PSMD1: variants seen among roughly 807,000 people sequenced by gnomAD.
PSMD1 encodes the protein 26S proteasome non-ATPase regulatory subunit 1.
A neutral mutation model predicts 119.0 loss-of-function variants in PSMD1; 18 were observed. The observed-to-expected ratio is 0.15, with a 90% CI of 0.10 to 0.22. The LOEUF (loss-of-function observed/expected upper bound fraction) is 0.22, where lower values mean the gene tolerates loss of function less well. PSMD1 is among the 10% of genes least tolerant of loss of function. The pLI, the probability that PSMD1 is intolerant of heterozygous loss-of-function variation, is 1.00. For synonymous variants in PSMD1, 374 were observed against 396.6 expected, an observed-to-expected ratio of 0.94 and a Z score of 0.68; for missense variants, 702 against 1,158.5, an observed-to-expected ratio of 0.61 and a Z score of 5.72.
chr2:231,075,649 G>A lies in PSMD1; in HGVS notation c.942+78G>A, dbSNP rs574111037. On this transcript the variant is annotated intron_variant, in intron 8 of 24. Coordinates refer to ENST00000308696, the MANE Select transcript of PSMD1 (RefSeq NM_002807.4). ...GGCTAGAACGCAGTGGCGCGGTCTC[G>A]GCTCACTACAACCTCTGCCTCCCAG... 133 of 1,297,492 alleles carry A rather than the reference G, an allele frequency of 1.0e-4. 2 individuals are homozygous for A. Among genetic ancestry groups the A allele is most frequent in the Non-Finnish European group, 8.9e-5 (83 of 930,478 alleles). 80.4% of individuals were successfully genotyped at this position (1,297,492 alleles called of 1,614,324 possible). A position where few individuals can be genotyped will look rare whatever the true frequency, so the allele number is the denominator to read the frequency against.
At chr2:231,139,130 TTTG>T in intron 17 of PSMD1, 1 of 434,832 alleles carries the variant, frequency 2.3e-6, no homozygotes, top group Non-Finnish European at 4.3e-6. Context: ...TTTTGTTTTT[TTTG>T]TTTGTTTATT....
At chr2:231,112,314 G>A (rs1356925567) in intron 16 of PSMD1, among the ~76,000 whole-genome samples, 2 of 152,122 alleles carry the variant, frequency 1.3e-5, no homozygotes, top group Non-Finnish European at 2.9e-5. Flanking sequence ...AGCTGCTTTT[G>A]GGGGGCTGGT....
At chr2:231,059,875 A>T (rs1415738490) in intron 1 of PSMD1, among the ~76,000 whole-genome samples, 1 of 152,166 alleles carries the variant, frequency 6.6e-6, no homozygotes, top group Non-Finnish European at 1.5e-5. Context: ...TAATGTATGG[A>T]GTGTAGAGTA....
intron 16 of PSMD1, among the ~76,000 whole-genome samples, chr2:231,097,037 T>C (rs1465023326): frequency 1.3e-5 from 2 of 152,238 alleles, no homozygotes; most frequent in Non-Finnish European, 2.9e-5. Context: ...TTAGAACTCA[T>C]ATCTAACAAT....
At chr2:231,165,565 G>A (rs1696758861) in intron 22 of PSMD1, among the ~76,000 whole-genome samples, 1 of 152,174 alleles carries the variant, frequency 6.6e-6, no homozygotes, top group Non-Finnish European at 1.5e-5. Flanking sequence ...CAGACAAGAT[G>A]ATGAGGTAGG....
At chr2:231,109,046 G>A (rs1246201823) in intron 16 of PSMD1, 1 of 1,614,214 alleles carries the variant, frequency 6.2e-7, no homozygotes, top group Admixed American at 1.7e-5. Context: ...CCCAATTGTG[G>A]ATGTTCTTCG....
chr2:231,061,978 G>A (rs80031661), intron 2 of PSMD1, among the ~76,000 whole-genome samples: 5,337 of 152,224 alleles, frequency 0.035, 111 homozygotes, highest in East Asian at 0.11. Context: ...TCCTTCTGGT[G>A]GCTCTAGATA....
chr2:231,168,368 T>C (rs902468391), intron 23 of PSMD1, among the ~76,000 whole-genome samples: 2 of 152,204 alleles, frequency 1.3e-5, no homozygotes, highest in Non-Finnish European at 2.9e-5. Flanking sequence ...AACGCTCATA[T>C]CAGCATGATT....
chr2:231,074,519 A>G (rs187613944), intron 7 of PSMD1, among the ~76,000 whole-genome samples: 2 of 152,160 alleles, frequency 1.3e-5, no homozygotes, highest in Admixed American at 1.3e-4. Flanking sequence ...TTCTGAAATT[A>G]TTATTTTTTC....
At chr2:231,062,461 A>G (rs750689800) in intron 3 of PSMD1, 45 bp from the exon 4 acceptor site, 4 of 1,563,042 alleles carry the variant, frequency 2.6e-6, no homozygotes, top group Non-Finnish European at 3.5e-6. Context: ...ATTTTTAGGG[A>G]AAACCACAGT....
At chr2:231,168,849 C>T (rs1696846416) in intron 23 of PSMD1, among the ~76,000 whole-genome samples, 1 of 152,218 alleles carries the variant, frequency 6.6e-6, no homozygotes, top group Non-Finnish European at 1.5e-5. Context: ...GTGACTCACT[C>T]CCCTACCCTC....
At chr2:231,160,182 G>T (rs1696603085) in intron 19 of PSMD1, among the ~76,000 whole-genome samples, 1 of 152,182 alleles carries the variant, frequency 6.6e-6, no homozygotes, top group African/African-American at 2.4e-5. Context: ...AAAAATTTCA[G>T]TTAGGGTTAG....
At chr2:231,092,553 G>C (rs1483093262) in intron 16 of PSMD1, among the ~76,000 whole-genome samples, 3 of 152,178 alleles carry the variant, frequency 2.0e-5, no homozygotes, top group Non-Finnish European at 4.4e-5. Flanking sequence ...CTCTCCTTGG[G>C]ATCTGGGATA....
intron 20 of PSMD1, 107 bp downstream of exon 20, chr2:231,161,616 C>T: frequency 1.7e-6 from 2 of 1,181,990 alleles, no homozygotes; most frequent in Non-Finnish European, 2.4e-6. Context: ...GATGAGTTAA[C>T]ATCTTATAAT....
intron 7 of PSMD1, among the ~76,000 whole-genome samples, chr2:231,073,248 A>G (rs1694082547): frequency 6.6e-6 from 1 of 152,212 alleles, no homozygotes; most frequent in African/African-American, 2.4e-5. Flanking sequence ...ACAGATTACC[A>G]TAACAGATAT....
intron 21 of PSMD1, among the ~76,000 whole-genome samples, chr2:231,163,976 G>A (rs1041064061): frequency 5.3e-5 from 8 of 152,076 alleles, no homozygotes; most frequent in South Asian, 2.1e-4. Context: ...TTTATACCAC[G>A]AATAAAATTA....
chr2:231,070,141 G>C lies in PSMD1; in HGVS notation c.627G>C (p.Glu209Asp). The C allele has an allele frequency of 6.4e-7, 1 of 1,554,986 alleles. No individual in the cohort carries two copies. The highest frequency in any genetic ancestry group is 8.6e-7 in the Non-Finnish European group (1 of 1,158,740). ...TAGTTAAAATCTACATGAACTTGGAGAAACCTGATTTCATCAATGTTTGTC... is the reference window on the plus strand; with the variant it reads ...TAGTTAAAATCTACATGAACTTGGACAAACCTGATTTCATCAATGTTTGTC... ...RVLVKIYMNL[E>D]KPDFINVCQC... The change falls in exon 6 of 25, where the codon GAG becomes GAC. Residue 209 changes from glutamate to aspartate, a missense_variant. Physicochemically the swap from Glu to Asp is conservative, Grantham distance 45. Around this residue, in one of 9 missense-constraint regions of PSMD1, gnomAD observed 32 missense variants for 77.1 expected, o/e 0.42. Transcript: ENST00000308696.
chr2:231,065,540 C>T (rs1178415845), intron 4 of PSMD1, among the ~76,000 whole-genome samples: 2 of 151,654 alleles, frequency 1.3e-5, no homozygotes, highest in East Asian at 1.9e-4. Context: ...ACCTCGTGAT[C>T]CACCCGCCTC....
intron 17 of PSMD1, among the ~76,000 whole-genome samples, chr2:231,139,954 C>T (rs1224698497): frequency 2.6e-5 from 4 of 152,130 alleles, no homozygotes; most frequent in Non-Finnish European, 4.4e-5. Context: ...ATAATCATGA[C>T]ACTTTGACTC....
Sources: allele counts gnomAD v4.1 joint callset (sites outside exome capture counted in the v4.1 genomes callset), GRCh38; gene constraint gnomAD v4.1.1; regional missense constraint gnomAD v4.1.1; transcripts MANE v1.5; gene names NCBI Gene and HGNC (gene_info 2026-07-23, HGNC 2026-07-21).